Variants in CNTN4 observed in about 807,000 individuals in gnomAD.
The protein encoded by CNTN4 is contactin 4.
Under a neutral mutation model 122.5 loss-of-function variants are expected in CNTN4, and 77 were observed. The ratio of observed to expected loss-of-function variants is 0.63; its 90% CI spans 0.52 to 0.76. The LOEUF (loss-of-function observed/expected upper bound fraction) is 0.76. Ranked by LOEUF, CNTN4 falls within the 30% of genes least tolerant of loss-of-function variation. The probability of loss-of-function intolerance (pLI) is 0.00; values close to 1 mark genes in which losing one functional copy is unlikely to be tolerated. For synonymous variants in CNTN4, 512 were observed against 447.0 expected, an observed-to-expected ratio of 1.15 and a Z score of -1.83; for missense variants, 1,256 against 1,259.1, an observed-to-expected ratio of 1.00 and a Z score of 0.04.
intron 6 of CNTN4, among the ~76,000 whole-genome samples, chr3:2,761,655 T>C (rs1435383038): frequency 1.3e-5 from 2 of 152,192 alleles, no homozygotes; most frequent in African/African-American, 4.8e-5. Context: ...ATTGGATCCA[T>C]GTTTTTATAT....
chr3:2,691,586 C>T (rs1023944239), intron 4 of CNTN4, among the ~76,000 whole-genome samples: 15 of 152,128 alleles, frequency 9.9e-5, no homozygotes, highest in Non-Finnish European at 1.5e-5. Context: ...GTAATAGAAG[C>T]TATTAATTGC....
At chr3:2,249,305 A>G (rs1234989275) in intron 2 of CNTN4, among the ~76,000 whole-genome samples, 1 of 151,934 alleles carries the variant, frequency 6.6e-6, no homozygotes, top group Non-Finnish European at 1.5e-5. Context: ...GGAAGCAGGC[A>G]TGTAGTATCA....
chr3:2,808,167 G>T (rs2092514739), intron 6 of CNTN4, among the ~76,000 whole-genome samples: 1 of 152,162 alleles, frequency 6.6e-6, no homozygotes, highest in Non-Finnish European at 1.5e-5. Flanking sequence ...ATGACCAATT[G>T]TATGGCTCGT....
intron 4 of CNTN4, among the ~76,000 whole-genome samples, chr3:2,604,160 C>T (rs1490892510): frequency 6.6e-6 from 1 of 152,134 alleles, no homozygotes; most frequent in Non-Finnish European, 1.5e-5. Flanking sequence ...ACCATATATC[C>T]AGAGAGATAT....
At chr3:2,571,365 A>G (rs371314379) in intron 3 of CNTN4, 51 bp from the exon 4 acceptor site, 2 of 715,880 alleles carry the variant, frequency 2.8e-6, no homozygotes, top group East Asian at 5.4e-5. Flanking sequence ...TGCAGAGACC[A>G]CAAGGAGAAA....
chr3:2,166,685 A>G (rs2036208110), intron 2 of CNTN4, among the ~76,000 whole-genome samples: 1 of 152,128 alleles, frequency 6.6e-6, no homozygotes, highest in South Asian at 2.1e-4. Context: ...GTATGTTGTG[A>G]ATGCTGTGTA....
intron 13 of CNTN4, among the ~76,000 whole-genome samples, chr3:2,926,262 CA>C (rs1374829805): frequency 6.6e-6 from 1 of 152,150 alleles, no homozygotes; most frequent in Non-Finnish European, 1.5e-5. Flanking sequence ...ACTCATACTT[CA>C]AACAGCAGAG....
chr3:2,420,749 C>T (rs185386780), intron 3 of CNTN4, among the ~76,000 whole-genome samples: 15 of 152,018 alleles, frequency 9.9e-5, no homozygotes, highest in Non-Finnish European at 2.1e-4. Context: ...CTTTACTGGA[C>T]GCCTTCAATC....
At chr3:3,012,200 G>A (rs920309255) in intron 14 of CNTN4, among the ~76,000 whole-genome samples, 4 of 152,010 alleles carry the variant, frequency 2.6e-5, no homozygotes, top group Non-Finnish European at 5.9e-5. Flanking sequence ...TTTTCCTTTG[G>A]ATCTGCATGG....
chr3:2,866,372 G>A, intron 7 of CNTN4: 1 of 569,180 alleles, frequency 1.8e-6, no homozygotes, highest in East Asian at 9.5e-5. Flanking sequence ...TTTCCAGGGT[G>A]GCTTCCAGCA....
chr3:2,804,737 C>CTTTAGTTTTTTTTTTTTTTTTTTT (rs1553643947), intron 6 of CNTN4, among the ~76,000 whole-genome samples: 2 of 144,880 alleles, frequency 1.4e-5, no homozygotes, highest in Admixed American at 6.9e-5. Flanking sequence ...ATTTTGAGCA[C>CTTTAGTTTTTTTTTTTTTTTTTTT]TTTTTTTTTG....
intron 4 of CNTN4, among the ~76,000 whole-genome samples, chr3:2,664,886 G>A (rs557562872): frequency 3.3e-5 from 5 of 152,214 alleles, no homozygotes; most frequent in Non-Finnish European, 7.4e-5. Flanking sequence ...TCCTTTCCAC[G>A]ACATTTGATT....
intron 3 of CNTN4, among the ~76,000 whole-genome samples, chr3:2,352,024 G>C (rs1215779604): frequency 6.6e-6 from 1 of 152,092 alleles, no homozygotes; most frequent in South Asian, 2.1e-4. Flanking sequence ...AATCATTTTT[G>C]ATTTTTACAT....
chr3:2,146,019 A>G (rs921196369), intron 2 of CNTN4, among the ~76,000 whole-genome samples: 24 of 151,860 alleles, frequency 1.6e-4, no homozygotes, highest in Admixed American at 4.6e-4. Context: ...GAGAATTGAT[A>G]ATTAACCATT....
At chr3:2,261,986 A>G (rs961362421) in intron 2 of CNTN4, among the ~76,000 whole-genome samples, 1 of 152,112 alleles carries the variant, frequency 6.6e-6, no homozygotes, top group Non-Finnish European at 1.5e-5. Flanking sequence ...CATTGTCTCT[A>G]CTTATTACCC....
At chr3:3,018,357 A>G (rs1366807472) in intron 14 of CNTN4, among the ~76,000 whole-genome samples, 19 of 152,184 alleles carry the variant, frequency 1.2e-4, no homozygotes, top group Non-Finnish European at 2.6e-4. Flanking sequence ...ATGCTCTAGA[A>G]TTAGTATTCG....
chr3:2,314,122 T>C (rs1232386642), intron 2 of CNTN4, among the ~76,000 whole-genome samples: 1 of 152,020 alleles, frequency 6.6e-6, no homozygotes, highest in East Asian at 1.9e-4. Flanking sequence ...AGTATAAAAT[T>C]CATATGAATT....
intron 18 of CNTN4, 113 bp downstream of exon 18, chr3:3,037,441 C>T (rs1257548407): frequency 7.1e-7 from 1 of 1,405,020 alleles, no homozygotes; most frequent in Non-Finnish European, 1.0e-6. Context: ...TTAGCTCACC[C>T]TTCCCTTTAA....
intron 13 of CNTN4, among the ~76,000 whole-genome samples, chr3:2,932,302 C>T (rs990401501): frequency 2.0e-5 from 3 of 152,132 alleles, no homozygotes; most frequent in Non-Finnish European, 2.9e-5. Flanking sequence ...GGCGTGAACC[C>T]AGAAGGCGGA....
Sources: gnomAD v4.1 joint callset for allele counts (sites outside exome capture counted in the v4.1 genomes callset) on GRCh38, gnomAD v4.1.1 for gene constraint, MANE v1.5 for transcripts, NCBI Gene and HGNC (gene_info 2026-07-23, HGNC 2026-07-21) for gene names.